The following UNC79 variants were observed in gnomAD, a reference collection of about 807,000 sequenced individuals.
UNC79 encodes protein unc-79 homolog.
UNC79 carries 37 observed loss-of-function variants against 283.1 expected under a neutral mutation model. The observed-to-expected ratio is 0.13, with a 90% confidence interval of 0.10 to 0.17. UNC79 has a LOEUF of 0.17. Ranked by LOEUF, UNC79 falls within the 10% of genes least tolerant of loss-of-function variation. UNC79 has a pLI of 1.00. For missense variants in UNC79, 2,272 were observed against 3,211.1 expected, an observed-to-expected ratio of 0.71 and a Z score of 7.07; for synonymous variants, 1,107 against 1,200.2, an observed-to-expected ratio of 0.92 and a Z score of 1.61.
intron 1 of UNC79, chr14:93,347,980 C>T (rs2053900013): frequency 1.7e-6 from 2 of 1,149,742 alleles, no homozygotes; most frequent in African/African-American, 3.0e-5. Flanking sequence ...CAGCAAGTCA[C>T]TGGCCTAGGA....
intron 1 of UNC79, among the ~76,000 whole-genome samples, chr14:93,366,493 G>A (rs917491818): frequency 6.6e-5 from 10 of 151,542 alleles, no homozygotes; most frequent in African/African-American, 1.5e-4. Flanking sequence ...GGGTTGAGGC[G>A]ACCATTCAGA....
At chr14:93,490,362 T>A (rs1282792966) in intron 5 of UNC79, among the ~76,000 whole-genome samples, 1 of 152,218 alleles carries the variant, frequency 6.6e-6, no homozygotes, top group Non-Finnish European at 1.5e-5. Context: ...GTTTTCCAAA[T>A]CTTTAAGTCT....
chr14:93,675,476 CAT>C (rs2073261873), intron 41 of UNC79, among the ~76,000 whole-genome samples: 1 of 152,118 alleles, frequency 6.6e-6, no homozygotes, highest in African/African-American at 2.4e-5. Flanking sequence ...AAAATTCCCA[CAT>C]AGTGCAACGG....
chr14:93,560,902 G>A (rs1254097023), intron 14 of UNC79, among the ~76,000 whole-genome samples: 2 of 152,110 alleles, frequency 1.3e-5, no homozygotes, highest in African/African-American at 4.8e-5. Context: ...CATAGAGGGA[G>A]AGGCTCGATT....
At chr14:93,622,519 T>C (rs764280770) in exon 30 of UNC79, 1 of 1,613,914 alleles carries the variant, frequency 6.2e-7, no homozygotes, top group African/African-American at 1.3e-5. Flanking sequence ...TGTCGCTGGA[T>C]GATCACCCTG....
intron 1 of UNC79, among the ~76,000 whole-genome samples, chr14:93,363,845 A>C (rs1420665920): frequency 6.6e-6 from 1 of 151,926 alleles, no homozygotes. Flanking sequence ...CAGCCTCCCA[A>C]GTAGCTGGGA....
At chr14:93,402,290 A>AAAAAG (rs1244777467) in intron 1 of UNC79, among the ~76,000 whole-genome samples, 2 of 139,368 alleles carry the variant, frequency 1.4e-5, no homozygotes, top group Middle Eastern at 3.8e-3. Context: ...AAAAAAAAAA[A>AAAAAG]AAAAGAAAAG....
chr14:93,611,079 T>C (rs2066268565), intron 26 of UNC79, among the ~76,000 whole-genome samples: 1 of 152,326 alleles, frequency 6.6e-6, no homozygotes, highest in African/African-American at 2.4e-5. Context: ...TCCACATACA[T>C]TGATTTTTTT....
chr14:93,425,777 A>G (rs531133952), upstream of UNC79, among the ~76,000 whole-genome samples: 5 of 152,344 alleles, frequency 3.3e-5, 1 homozygote, highest in South Asian at 1.0e-3. Flanking sequence ...AGAATGAAAT[A>G]TAAGAATCTG....
At chr14:93,388,641 G>T (rs2054825613) in intron 1 of UNC79, among the ~76,000 whole-genome samples, 2 of 152,142 alleles carry the variant, frequency 1.3e-5, no homozygotes, top group Non-Finnish European at 2.9e-5. Context: ...GAATAGCATT[G>T]CTTAACATTT....
At chr14:93,343,597 AT>A (rs2053760783) in intron 1 of UNC79, among the ~76,000 whole-genome samples, 1 of 152,130 alleles carries the variant, frequency 6.6e-6, no homozygotes, top group Non-Finnish European at 1.5e-5. Context: ...TGGTTCTTGA[AT>A]CAGAATTAAA....
intron 42 of UNC79, among the ~76,000 whole-genome samples, chr14:93,686,184 A>C (rs1420303401): frequency 3.3e-5 from 5 of 152,218 alleles, no homozygotes; most frequent in Admixed American, 2.6e-4. Flanking sequence ...CTTCCCTAGA[A>C]TGAGAATGTG....
intron 1 of UNC79, among the ~76,000 whole-genome samples, chr14:93,374,244 A>C (rs528327595): frequency 6.6e-6 from 1 of 152,162 alleles, no homozygotes; most frequent in Non-Finnish European, 1.5e-5. Flanking sequence ...TCCACCTGGG[A>C]AAGTTTCAGG....
intron 10 of UNC79, among the ~76,000 whole-genome samples, chr14:93,532,330 G>C (rs1313580777): frequency 6.6e-6 from 1 of 151,888 alleles, no homozygotes; most frequent in Non-Finnish European, 1.5e-5. Flanking sequence ...AATTAGCTGG[G>C]CATGGAAGCC....
chr14:93,696,158 C>T (rs1429088412), intron 47 of UNC79, among the ~76,000 whole-genome samples: 1 of 152,072 alleles, frequency 6.6e-6, no homozygotes, highest in Non-Finnish European at 1.5e-5. Context: ...CTTTTTATTT[C>T]AGAGTAGTAG....
At chr14:93,420,854 C>A (rs1017844910) in intron 1 of UNC79, among the ~76,000 whole-genome samples, 1 of 151,666 alleles carries the variant, frequency 6.6e-6, no homozygotes, top group South Asian at 2.1e-4. Flanking sequence ...TTCTAAATGA[C>A]CAGTGAGTCA....
chr14:93,481,707 G>T (rs2058152611), intron 4 of UNC79, among the ~76,000 whole-genome samples: 1 of 152,096 alleles, frequency 6.6e-6, no homozygotes, highest in South Asian at 2.1e-4. Flanking sequence ...TACAGAGGGT[G>T]CATGTTATGT....
intron 1 of UNC79, among the ~76,000 whole-genome samples, chr14:93,411,933 A>G (rs965782273): frequency 3.9e-5 from 6 of 152,252 alleles, no homozygotes; most frequent in African/African-American, 1.4e-4. Context: ...GACCTTATCA[A>G]ATGAGCTAAA....
chr14:93,612,237 A>G (rs2066365582), intron 26 of UNC79, among the ~76,000 whole-genome samples: 1 of 152,176 alleles, frequency 6.6e-6, no homozygotes, highest in Non-Finnish European at 1.5e-5. Flanking sequence ...AATTTTGGCT[A>G]TTTCATTTAA....
Sources: gnomAD v4.1 joint callset for allele counts (sites outside exome capture counted in the v4.1 genomes callset) on GRCh38, gnomAD v4.1.1 for gene constraint, MANE v1.5 for transcripts, NCBI Gene and HGNC (gene_info 2026-07-23, HGNC 2026-07-21) for gene names.